The following CTNNA1 variants were observed in gnomAD, a reference collection of about 807,000 sequenced individuals.
CTNNA1 encodes the protein catenin alpha 1, also known as catenin alpha-1.
A neutral mutation model predicts 98.4 loss-of-function variants in CTNNA1; 37 were observed. The ratio of observed to expected loss-of-function variants is 0.38; its 90% CI spans 0.29 to 0.49. The LOEUF is 0.49. CTNNA1 is among the 20% of genes least tolerant of loss of function. CTNNA1 has a pLI of 0.95. For missense variants in CTNNA1, 761 were observed against 1,147.2 expected, an observed-to-expected ratio of 0.66 and a Z score of 4.86; for synonymous variants, 404 against 413.2, an observed-to-expected ratio of 0.98 and a Z score of 0.27.
intron 7 of CTNNA1, among the ~76,000 whole-genome samples, chr5:138,868,031 C>T (rs550332295): frequency 1.3e-5 from 2 of 152,276 alleles, no homozygotes; most frequent in East Asian, 1.9e-4. Flanking sequence ...GGATTACTGG[C>T]GTGAGCCACC....
At chr5:138,895,570 G>A (rs1178414081) in intron 9 of CTNNA1, among the ~76,000 whole-genome samples, 2 of 151,988 alleles carry the variant, frequency 1.3e-5, no homozygotes, top group Non-Finnish European at 2.9e-5. Context: ...CTGTATTTGA[G>A]GGAGAAGAAA....
intron 1 of CTNNA1, among the ~76,000 whole-genome samples, chr5:138,775,504 A>G (rs760964340): frequency 5.9e-5 from 9 of 152,154 alleles, no homozygotes; most frequent in Admixed American, 1.3e-4. Context: ...TGGCACCCCT[A>G]TCTCTAGTGA....
At chr5:138,921,596 A>ATTTTT (rs386405098) in intron 11 of CTNNA1, among the ~76,000 whole-genome samples, 1,323 of 103,996 alleles carry the variant, frequency 0.013, 107 homozygotes, top group African/African-American at 0.037. Context: ...ATTAGTGGTG[A>ATTTTT]TTTTTTTTTT....
rs1196787444 is a variant in CTNNA1 at position 138,934,021 on chromosome 5, G to A, written c.2653G>A (p.Ala885Thr). 6.2e-7 allele frequency: 1 copy of A among 1,614,020 alleles called. No homozygotes were observed. The highest frequency in any genetic ancestry group is 1.1e-5 in the South Asian group (1 of 91,078). The change falls in exon 18 of 18, where the codon GCA (alanine) becomes ACA (threonine). Residue 885 changes from alanine (A) to threonine (T), a missense_variant. Transcript: ENST00000302763. Reference sequence around the variant, plus strand: ...TGAGACACAGACCAAGATTAAACGGGCATCTCAGAAGAAGCACGTGAACCC... The same window carrying A: ...TGAGACACAGACCAAGATTAAACGGACATCTCAGAAGAAGCACGTGAACCC... ...QDETQTKIKR[A>T]SQKKHVNPVQ...
intron 1 of CTNNA1, among the ~76,000 whole-genome samples, chr5:138,770,962 A>C (rs543231651): frequency 6.6e-6 from 1 of 151,962 alleles, no homozygotes; most frequent in East Asian, 1.9e-4. Context: ...AAAAAAAAAA[A>C]AAACACAAAA....
chr5:138,753,892 C>T (rs919660482), intron 1 of CTNNA1: 1 of 155,548 alleles, frequency 6.4e-6, no homozygotes, highest in African/African-American at 2.4e-5. Flanking sequence ...CGCGGCAGCC[C>T]CGCGCCGGGC....
intron 3 of CTNNA1, among the ~76,000 whole-genome samples, chr5:138,784,781 A>G (rs1426314915): frequency 1.3e-5 from 2 of 152,088 alleles, no homozygotes; most frequent in Admixed American, 6.6e-5. Flanking sequence ...GTTGCCAGCA[A>G]TTCTTAGCAT....
At chr5:138,894,042 C>T (rs1175367631) in intron 9 of CTNNA1, among the ~76,000 whole-genome samples, 2 of 152,018 alleles carry the variant, frequency 1.3e-5, no homozygotes, top group African/African-American at 4.8e-5. Flanking sequence ...CTCAGCCTCC[C>T]AAGTAGCTGG....
chr5:138,781,095 G>T (rs1303469022), intron 1 of CTNNA1, among the ~76,000 whole-genome samples: 1 of 152,162 alleles, frequency 6.6e-6, no homozygotes, highest in African/African-American at 2.4e-5. Context: ...GCAGAGGGCA[G>T]CTGATTTAAA....
In CTNNA1 at chr5:138,784,046, C is replaced by T. The variant is rs1487674602; in HGVS notation, c.301+674C>T. On this transcript the variant is annotated intron_variant, in intron 3 of 17. Transcript: ENST00000302763. ...AAATGTGGAAGGAAGACTTTAAATACGGAAGATAAACTTCTTGAAACCTGC... is the reference window on the plus strand; with the variant it reads ...AAATGTGGAAGGAAGACTTTAAATATGGAAGATAAACTTCTTGAAACCTGC... Among the ~76,000 whole-genome samples, 5 of 152,166 alleles carry T rather than the reference C, an allele frequency of 3.3e-5. No individual in the cohort carries two copies. The South Asian group carries it at 6.2e-4, about 19-fold the overall frequency.
rs113179480 is a variant in CTNNA1 at position 138,771,540 on chromosome 5, A to AT, written c.-2-10373dup. ...AGGTGTGCACCTCCATGCCCAGCTA[A>AT]TTTTTTTTTTCTTTTTAAAAGTTGT... On this transcript the variant is annotated intron_variant, in intron 1 of 17. Coordinates refer to ENST00000302763, the MANE Select transcript of CTNNA1 (RefSeq NM_001903.5). Among the ~76,000 whole-genome samples, 131 of 149,734 alleles carry AT rather than the reference A, an allele frequency of 8.7e-4. 1 individual carries two copies. Among genetic ancestry groups the AT allele is most frequent in the African/African-American group, 2.2e-3 (89 of 40,770 alleles).
chr5:138,813,177 A>G (rs1759020462), intron 5 of CTNNA1, among the ~76,000 whole-genome samples: 2 of 152,174 alleles, frequency 1.3e-5, no homozygotes, highest in Admixed American at 1.3e-4. Flanking sequence ...CAGTATCATC[A>G]AGGATCCAGG....
intron 12 of CTNNA1, 142 bp downstream of exon 12, chr5:138,924,852 C>G: frequency 1.4e-6 from 1 of 712,656 alleles, no homozygotes. Context: ...TCCTGAGAAG[C>G]TGGTCATAGC....
chr5:138,812,705 C>T (rs929348859), intron 5 of CTNNA1, among the ~76,000 whole-genome samples: 1 of 152,172 alleles, frequency 6.6e-6, no homozygotes, highest in African/African-American at 2.4e-5. Flanking sequence ...CCTTGCCCCA[C>T]CAGCCCCGTG....
chr5:138,924,396 C>G (rs1763572927), intron 11 of CTNNA1, 114 bp from the exon 12 acceptor site: 2 of 994,896 alleles, frequency 2.0e-6, no homozygotes, highest in East Asian at 2.6e-5. Flanking sequence ...ATATGTAAAA[C>G]TTTCAGCACT....
chr5:138,785,064 A>ATTT (rs34811565), intron 3 of CTNNA1, among the ~76,000 whole-genome samples: 10 of 140,470 alleles, frequency 7.1e-5, no homozygotes, highest in African/African-American at 2.4e-4. Context: ...TAATTAATTA[A>ATTT]TTTTTTTTTT....
chr5:138,907,526 AG>A (rs904955878), intron 10 of CTNNA1, among the ~76,000 whole-genome samples: 4 of 152,048 alleles, frequency 2.6e-5, no homozygotes, highest in African/African-American at 9.7e-5. Context: ...TGTCCCTCGG[AG>A]GAAGAGGGCC....
intron 3 of CTNNA1, among the ~76,000 whole-genome samples, chr5:138,799,625 ATTTT>A (rs11386305): frequency 7.0e-6 from 1 of 142,134 alleles, no homozygotes; most frequent in South Asian, 2.2e-4. Flanking sequence ...TCTTAGTGTC[ATTTT>A]TTTTTTTTTT....
chr5:138,929,398 A>T, intron 14 of CTNNA1, 42 bp downstream of exon 14: 1 of 953,760 alleles, frequency 1.0e-6, no homozygotes. Context: ...TGTGCTGCCG[A>T]CTTTCCCTGT....
Sources: gnomAD v4.1 joint callset for allele counts (sites outside exome capture counted in the v4.1 genomes callset) on GRCh38, gnomAD v4.1.1 for gene constraint, MANE v1.5 for transcripts, NCBI Gene and HGNC (gene_info 2026-07-23, HGNC 2026-07-21) for gene names.